The following MYO5B variants were observed in gnomAD, a reference collection of about 807,000 sequenced individuals.
The protein encoded by MYO5B is unconventional myosin-Vb.
In MYO5B, 143 loss-of-function variants were observed where a neutral mutation model predicts 229.3. The ratio of observed to expected loss-of-function variants is 0.62; its 90% CI spans 0.54 to 0.72. The LOEUF (loss-of-function observed/expected upper bound fraction) is 0.72. Ranked by LOEUF, MYO5B falls within the 30% of genes least tolerant of loss-of-function variation. The pLI, the probability that MYO5B is intolerant of heterozygous loss-of-function variation, is 0.00. For missense variants in MYO5B, 2,321 were observed against 2,331.0 expected (o/e 1.00, Z 0.09); for synonymous variants, 918 against 885.2 (o/e 1.04, Z -0.66).
intron 1 of MYO5B, among the ~76,000 whole-genome samples, chr18:50,160,401 C>A (rs2144318436): frequency 6.6e-6 from 1 of 152,304 alleles, no homozygotes; most frequent in East Asian, 1.9e-4. Flanking sequence ...TGATGGAAAG[C>A]AGAGGTTCCC....
rs2144195193 is a variant in MYO5B at position 49,929,608 on chromosome 18, GAGA to G, written c.2004-13_2004-11del. On this transcript the variant is annotated splice_polypyrimidine_tract_variant and intron_variant, in intron 16 of 39. Transcript: ENST00000285039. ...TCTCTTTGGGTCAAAGCTGCCAAAG[GAGA>G]AAAAAAAAAAAAAAAGCAAGACAAG... 6 of 1,409,472 alleles carry G rather than the reference GAGA, an allele frequency of 4.3e-6. No homozygotes were observed. The highest frequency in any genetic ancestry group is 2.5e-5 in the Admixed American group (1 of 39,698). 87.3% of individuals were successfully genotyped at this position (1,409,472 alleles called of 1,614,324 possible). A position where few individuals can be genotyped will look rare whatever the true frequency, so the allele number is the denominator to read the frequency against.
intron 17 of MYO5B, among the ~76,000 whole-genome samples, chr18:49,920,644 C>T (rs1322043019): frequency 6.6e-6 from 1 of 152,158 alleles, no homozygotes; most frequent in East Asian, 1.9e-4. Context: ...CACAGGAAAA[C>T]CCACTCCATC....
intron 1 of MYO5B, among the ~76,000 whole-genome samples, chr18:50,160,542 G>T (rs187855769): frequency 5.3e-5 from 8 of 152,224 alleles, no homozygotes; most frequent in Non-Finnish European, 7.4e-5. Context: ...TCCTCCAGCC[G>T]ACTGTGTTCC....
intron 1 of MYO5B, among the ~76,000 whole-genome samples, chr18:50,086,881 G>C (rs1274341166): frequency 6.6e-6 from 1 of 152,144 alleles, no homozygotes; most frequent in African/African-American, 2.4e-5. Context: ...AACTGTTCTT[G>C]TGCCACTACA....
chr18:49,888,110 G>C (rs978829246), intron 22 of MYO5B, among the ~76,000 whole-genome samples: 2 of 152,142 alleles, frequency 1.3e-5, no homozygotes, highest in East Asian at 3.9e-4. Flanking sequence ...GGCTGTAGCA[G>C]CTTCCTATAA....
intron 21 of MYO5B, among the ~76,000 whole-genome samples, chr18:49,901,397 C>T (rs372545926): frequency 5.9e-5 from 9 of 152,320 alleles, no homozygotes; most frequent in African/African-American, 1.4e-4. Context: ...TCTTGTACTA[C>T]GTTGTACGGT....
At chr18:50,051,965 G>A (rs547018978) in intron 2 of MYO5B, among the ~76,000 whole-genome samples, 1 of 152,294 alleles carries the variant, frequency 6.6e-6, no homozygotes, top group East Asian at 1.9e-4. Context: ...GTTACACAAT[G>A]TAAATACCAC....
intron 12 of MYO5B, among the ~76,000 whole-genome samples, chr18:49,962,045 C>T (rs1420920607): frequency 6.6e-6 from 1 of 152,204 alleles, no homozygotes; most frequent in African/African-American, 2.4e-5. Flanking sequence ...CCAAGAGAGG[C>T]ATACGTTTAC....
At chr18:50,105,782 T>C (rs2031748189) in intron 1 of MYO5B, among the ~76,000 whole-genome samples, 3 of 152,140 alleles carry the variant, frequency 2.0e-5, no homozygotes, top group African/African-American at 7.2e-5. Flanking sequence ...ATTTGGAGTA[T>C]GGAGCTGGGC....
intron 1 of MYO5B, among the ~76,000 whole-genome samples, chr18:50,059,162 C>T (rs530155233): frequency 1.8e-4 from 27 of 152,290 alleles, no homozygotes; most frequent in East Asian, 3.9e-4. Context: ...CATCCTGGCA[C>T]GGAACAGATG....
intron 18 of MYO5B, among the ~76,000 whole-genome samples, chr18:49,908,922 C>T (rs1008369323): frequency 2.0e-5 from 3 of 152,162 alleles, no homozygotes; most frequent in Non-Finnish European, 4.4e-5. Context: ...CACCAGAATC[C>T]ACTTTTCTCC....
At chr18:49,906,734 T>C (rs933297516) in intron 18 of MYO5B, 104 bp from the exon 19 acceptor site, 26 of 988,868 alleles carry the variant, frequency 2.6e-5, no homozygotes, top group Admixed American at 1.9e-4. Flanking sequence ...TGGCCAGACT[T>C]CATGCACCCC....
intron 14 of MYO5B, among the ~76,000 whole-genome samples, chr18:49,952,123 C>A (rs898504310): frequency 2.0e-5 from 3 of 152,226 alleles, no homozygotes; most frequent in Non-Finnish European, 4.4e-5. Context: ...CCTCCCTAAA[C>A]CCCTCACCAC....
Position 49,900,013 on chromosome 18 carries a change from C to T in MYO5B, c.2811+2581G>A, listed in dbSNP as rs539416400. Reference sequence around the variant, plus strand: ...GTAAAATGCTAGATTTATTTTTATCCTCTCAAGTTAACTTTAGAAATCAGC... The same window carrying T: ...GTAAAATGCTAGATTTATTTTTATCTTCTCAAGTTAACTTTAGAAATCAGC... On this transcript the variant is annotated intron_variant, in intron 21 of 39. Transcript: ENST00000285039. 5.3e-5 allele frequency among the ~76,000 whole-genome samples: 8 copies of T among 152,064 alleles called. No homozygotes were observed. The East Asian group carries it at 1.5e-3, about 29-fold the overall frequency.
At chr18:49,877,325 T>C (rs1416363713) in intron 25 of MYO5B, among the ~76,000 whole-genome samples, 1 of 152,228 alleles carries the variant, frequency 6.6e-6, no homozygotes, top group African/African-American at 2.4e-5. Flanking sequence ...TTTTTTGTTG[T>C]TCTGAGTTTT....
chr18:50,175,016 T>C (rs2032975499), intron 1 of MYO5B, among the ~76,000 whole-genome samples: 1 of 152,208 alleles, frequency 6.6e-6, no homozygotes, highest in Admixed American at 6.5e-5. Context: ...AATGAGATGC[T>C]TGATCTAAAG....
At chr18:49,836,174 A>T (rs1449835128) in intron 38 of MYO5B, among the ~76,000 whole-genome samples, 1 of 152,238 alleles carries the variant, frequency 6.6e-6, no homozygotes, top group East Asian at 1.9e-4. Context: ...CGGCAACTGA[A>T]TCATGGTTAT....
Position 49,826,705 on chromosome 18 carries a change from C to T in MYO5B, c.5395-82G>A, listed in dbSNP as rs1224502934. The T allele has an allele frequency of 1.0e-5, 15 of 1,504,022 alleles. No individual in the cohort carries two copies. In the East Asian group the frequency reaches 3.4e-4, roughly 34 times the overall value. The allele number at this position is 1,504,022 out of a possible 1,614,324, so 93.2% of individuals were successfully genotyped here. On this transcript the variant is annotated intron_variant, in intron 39 of 39. Coordinates refer to ENST00000285039, the MANE Select transcript of MYO5B (RefSeq NM_001080467.3). ...AAGTGAATTCACAAAAGTGAGTTGG[C>T]ATATATCATGGAAAGATTTCTACGA... is the stretch of plus-strand genomic sequence containing the variant.
intron 39 of MYO5B, among the ~76,000 whole-genome samples, chr18:49,834,219 G>A (rs945359324): frequency 6.6e-6 from 1 of 152,142 alleles, no homozygotes; most frequent in Admixed American, 6.5e-5. Flanking sequence ...AAAGCTCCAT[G>A]TTTCCTCACG....
Sources: gnomAD v4.1 joint callset for allele counts (sites outside exome capture counted in the v4.1 genomes callset) on GRCh38, gnomAD v4.1.1 for gene constraint, MANE v1.5 for transcripts, NCBI Gene and HGNC (gene_info 2026-07-23, HGNC 2026-07-21) for gene names.